XPOT: variants seen among roughly 807,000 people sequenced by gnomAD.
XPOT encodes the protein exportin for tRNA, also known as exportin-T.
In XPOT, 34 loss-of-function variants were observed where a neutral mutation model predicts 128.2. That is an observed-to-expected ratio of 0.27 (90% CI 0.20 to 0.35). XPOT has a LOEUF of 0.35. XPOT is among the 10% of genes least tolerant of loss of function. XPOT has a pLI of 1.00. For synonymous variants in XPOT, 348 were observed against 394.3 expected (o/e 0.88, Z 1.39); for missense variants, 838 against 1,125.3 (o/e 0.74, Z 3.65).
chr12:64,407,301 A>G (rs1274218032), intron 1 of XPOT, among the ~76,000 whole-genome samples: 5 of 152,052 alleles, frequency 3.3e-5, no homozygotes, highest in African/African-American at 9.7e-5. Flanking sequence ...CCTGGGCAAC[A>G]TGGTGAAACC....
In XPOT at chr12:64,420,254, G is replaced by A; in HGVS notation, c.674G>A (p.Arg225Lys). 1 of 1,591,736 alleles carries A rather than the reference G, an allele frequency of 6.3e-7. No individual in the cohort carries two copies. ...GACTTATCCCTTATAGCCAATGATA[G>A]GTAAGTATGCCTATTATTTTTATAG... is the stretch of plus-strand genomic sequence containing the variant. ...WIDLSLIAND[R>K]FINMLLGHMS... Residue 225 changes from arginine (R) to lysine (K), a missense_variant and splice_region_variant, in exon 7 of 25, where the codon AGG (arginine) becomes AAG (lysine). This residue lies in a region of XPOT where 761 missense variants were observed against 988.3 expected (regional missense o/e 0.77). Transcript: ENST00000332707.
rs536082674 is a variant in XPOT, at chr12:64,418,171, T to C, written c.270+56T>C. On this transcript the variant is annotated intron_variant, in intron 5 of 24. Coordinates refer to ENST00000332707, the MANE Select transcript of XPOT (RefSeq NM_007235.6). ...ATTATTAGATATTTAAACTTATTTTTTGCAAGAGTTTGGAACTTTACCTCA... is the reference window on the plus strand; with the variant it reads ...ATTATTAGATATTTAAACTTATTTTCTGCAAGAGTTTGGAACTTTACCTCA... 2.2e-4 allele frequency: 330 copies of C among 1,469,700 alleles called. 6 individuals carry two copies. The South Asian group carries it at 3.2e-3, about 14-fold the overall frequency. 91.0% of individuals were successfully genotyped at this position (1,469,700 alleles called of 1,614,324 possible).
intron 22 of XPOT, among the ~76,000 whole-genome samples, chr12:64,436,097 C>T (rs2040279901): frequency 6.6e-6 from 1 of 152,056 alleles, no homozygotes; most frequent in Non-Finnish European, 1.5e-5. Flanking sequence ...GCTGGAATTA[C>T]AGGCACCCGC....
At chr12:64,406,921 C>T (rs972224407) in intron 1 of XPOT, among the ~76,000 whole-genome samples, 3 of 152,074 alleles carry the variant, frequency 2.0e-5, no homozygotes, top group Non-Finnish European at 4.4e-5. Context: ...CATGTTCCTA[C>T]CTCTGACTAT....
chr12:64,413,916 C>T (rs994986543), intron 2 of XPOT, among the ~76,000 whole-genome samples: 1 of 152,192 alleles, frequency 6.6e-6, no homozygotes, highest in African/African-American at 2.4e-5. Context: ...TAGTGGGAGA[C>T]ACCACCGTTT....
At chr12:64,435,054 T>G (rs533377729) in intron 21 of XPOT, 145 bp downstream of exon 21, 3 of 663,084 alleles carry the variant, frequency 4.5e-6, no homozygotes, top group Non-Finnish European at 7.5e-6. Context: ...TAAAGATTTA[T>G]GATACCTTCT....
At chr12:64,432,867 T>C (rs375922901) in intron 18 of XPOT, among the ~76,000 whole-genome samples, 87 of 152,372 alleles carry the variant, frequency 5.7e-4, no homozygotes, top group African/African-American at 2.0e-3. Flanking sequence ...CTGACTATTA[T>C]TTTAACCTAA....
chr12:64,417,748 C>T (rs2040101302), intron 4 of XPOT, among the ~76,000 whole-genome samples: 1 of 152,180 alleles, frequency 6.6e-6, no homozygotes, highest in Non-Finnish European at 1.5e-5. Flanking sequence ...CCTAGTTCAC[C>T]TATTGGTTTA....
chr12:64,409,746 T>C, intron 1 of XPOT: 1 of 307,106 alleles, frequency 3.3e-6, no homozygotes, highest in Non-Finnish European at 6.0e-6. Flanking sequence ...AAAAAAAAAA[T>C]CAGATTTTTA....
chr12:64,439,366 G>C, intron 23 of XPOT, 51 bp downstream of exon 23: 2 of 1,500,460 alleles, frequency 1.3e-6, no homozygotes, highest in Non-Finnish European at 1.9e-6. Flanking sequence ...AGTAGTAGCA[G>C]CATTGCCTGT....
intron 2 of XPOT, among the ~76,000 whole-genome samples, chr12:64,411,610 A>G (rs1396772795): frequency 6.6e-6 from 1 of 152,208 alleles, no homozygotes; most frequent in Non-Finnish European, 1.5e-5. Context: ...ATAATTCAGT[A>G]TCCATTTAGC....
At position 64,449,669 on chromosome 12, in the gene XPOT, A is replaced by T. The variant is rs1048183593; in HGVS notation, c.*1538A>T. On this transcript the variant is annotated 3_prime_UTR_variant, in exon 25 of 25. Coordinates refer to ENST00000332707, the MANE Select transcript of XPOT (RefSeq NM_007235.6). ...TTTTCTTACACCATATAATAAAAATACTTAACTAAATTGACAGTTATAAAA... is the reference window on the plus strand; with the variant it reads ...TTTTCTTACACCATATAATAAAAATTCTTAACTAAATTGACAGTTATAAAA... 2 of 152,270 alleles carry T rather than the reference A, an allele frequency of 1.3e-5. No homozygotes were observed. The highest frequency in any genetic ancestry group is 4.8e-5 in the African/African-American group (2 of 41,480). The allele number at this position is 152,270 out of a possible 1,614,324, so 9.4% of individuals were successfully genotyped here. A position where few individuals can be genotyped will look rare whatever the true frequency, so the allele number is the denominator to read the frequency against.
At chr12:64,423,760 C>T (rs558933088) in intron 11 of XPOT, among the ~76,000 whole-genome samples, 3 of 152,258 alleles carry the variant, frequency 2.0e-5, no homozygotes, top group East Asian at 3.9e-4. Flanking sequence ...GTCCCATTAA[C>T]AGCCCTTTTA....
rs776991923 is a variant in XPOT, at chr12:64,424,588, C to G, written c.1183-11C>G. The G allele has an allele frequency of 3.7e-6, 6 of 1,610,980 alleles. No homozygotes were observed. Among genetic ancestry groups the G allele is most frequent in the Non-Finnish European group, 5.1e-6 (6 of 1,179,476 alleles). ...AAGTTTTTTGAATGAGGATTTTAAC[C>G]TGTATCATAGGGTGAAGATGAAGCC... is the stretch of plus-strand genomic sequence containing the variant. On this transcript the variant is annotated splice_polypyrimidine_tract_variant and intron_variant, in intron 11 of 24. Transcript: ENST00000332707.
chr12:64,449,901 T>C lies in XPOT; in HGVS notation c.*1770T>C, dbSNP rs1291275778. 6.6e-6 allele frequency: 1 copy of C among 152,148 alleles called. No individual in the cohort carries two copies. The highest frequency in any genetic ancestry group is 1.5e-5 in the Non-Finnish European group (1 of 68,036). The allele number at this position is 152,148 out of a possible 1,614,324, so 9.4% of individuals were successfully genotyped here. A position where few individuals can be genotyped will look rare whatever the true frequency, so the allele number is the denominator to read the frequency against. On this transcript the variant is annotated 3_prime_UTR_variant, in exon 25 of 25. Coordinates refer to ENST00000332707, the MANE Select transcript of XPOT (RefSeq NM_007235.6). Reference sequence around the variant, plus strand: ...ATATAGCACAGGCTCTAGAATCAGATTAAGTAGGTTCAAATACCAGTTCTG... The same window carrying C: ...ATATAGCACAGGCTCTAGAATCAGACTAAGTAGGTTCAAATACCAGTTCTG...
chr12:64,409,390 T>A (rs546437941), intron 1 of XPOT, among the ~76,000 whole-genome samples: 6,005 of 112,870 alleles, frequency 0.053, 381 homozygotes, highest in African/African-American at 0.19. Flanking sequence ...CTATACCTTA[T>A]TAAGAAGATC....
intron 10 of XPOT, 43 bp downstream of exon 10, chr12:64,423,086 A>T (rs2040155338): frequency 6.2e-7 from 1 of 1,607,098 alleles, no homozygotes; most frequent in Admixed American, 1.7e-5. Flanking sequence ...ATAGATTTTT[A>T]GTCTGTAATT....
Position 64,428,127 on chromosome 12 carries a change from A to T in XPOT, c.1737+7A>T, listed in dbSNP as rs369454853. 103 of 1,522,898 alleles carry T rather than the reference A, an allele frequency of 6.8e-5. No homozygotes were observed. The highest frequency in any genetic ancestry group is 8.6e-5 in the Non-Finnish European group (95 of 1,100,848). The allele number at this position is 1,522,898 out of a possible 1,614,324, so 94.3% of individuals were successfully genotyped here. The stretch of plus-strand genomic sequence containing the variant: ...ATTAGAGCTTTCTCCACCTGTAAGT[A>T]TCTGTCTCTTTAAGATATTTTACCC... On this transcript the variant is annotated splice_region_variant and intron_variant, in intron 16 of 24. Transcript: ENST00000332707.
chr12:64,419,930 T>C (rs2040122701), intron 6 of XPOT, 140 bp from the exon 7 acceptor site: 3 of 648,980 alleles, frequency 4.6e-6, no homozygotes, highest in Non-Finnish European at 4.9e-6. Flanking sequence ...TCACAGGATA[T>C]GATCTTAGAG....
Sources: gnomAD v4.1 joint callset for allele counts (sites outside exome capture counted in the v4.1 genomes callset) on GRCh38, gnomAD v4.1.1 for gene constraint, gnomAD v4.1.1 regional missense constraint, MANE v1.5 for transcripts, NCBI Gene and HGNC (gene_info 2026-07-23, HGNC 2026-07-21) for gene names.